Variants in TSPAN18 observed in about 807,000 individuals in gnomAD.
TSPAN18 encodes the protein tetraspanin 18.
Under a neutral mutation model 27.3 loss-of-function variants are expected in TSPAN18, and 14 were observed. The observed-to-expected ratio is 0.51, with a 90% CI of 0.34 to 0.80. The LOEUF is 0.80. TSPAN18 is among the 30% of genes least tolerant of loss of function. The pLI is 0.01. For synonymous variants in TSPAN18, 143 were observed against 136.5 expected (o/e 1.05, Z -0.33); for missense variants, 268 against 323.9 (o/e 0.83, Z 1.32).
chr11:44,894,434 G>A (rs1454693947), intron 3 of TSPAN18, among the ~76,000 whole-genome samples: 2 of 152,210 alleles, frequency 1.3e-5, no homozygotes, highest in Non-Finnish European at 2.9e-5. Context: ...TTGTCCGGCC[G>A]CCTCCTTTCC....
At chr11:44,814,097 A>G (rs190999301) in intron 2 of TSPAN18, among the ~76,000 whole-genome samples, 4 of 152,288 alleles carry the variant, frequency 2.6e-5, no homozygotes, top group African/African-American at 7.2e-5. Flanking sequence ...TTGGTGGAAA[A>G]TGCCTCATTG....
intron 1 of TSPAN18, among the ~76,000 whole-genome samples, chr11:44,762,637 TTG>T (rs954762748): frequency 6.7e-6 from 1 of 149,158 alleles, no homozygotes; most frequent in Non-Finnish European, 1.5e-5. Flanking sequence ...GTGTGTGTGT[TTG>T]TGTGTGTGTG....
intron 2 of TSPAN18, among the ~76,000 whole-genome samples, chr11:44,782,940 T>G (rs1183493338): frequency 6.6e-6 from 1 of 152,146 alleles, no homozygotes; most frequent in Non-Finnish European, 1.5e-5. Flanking sequence ...GCAATTCTTG[T>G]GCCTCAGCCT....
intron 2 of TSPAN18, among the ~76,000 whole-genome samples, chr11:44,841,355 T>G (rs1482404249): frequency 2.0e-5 from 3 of 151,994 alleles, no homozygotes; most frequent in African/African-American, 7.2e-5. Flanking sequence ...CCATCTCTAT[T>G]AAAAATACAA....
chr11:44,846,323 T>TA (rs1406136384), intron 2 of TSPAN18, among the ~76,000 whole-genome samples: 1 of 152,252 alleles, frequency 6.6e-6, no homozygotes, highest in Non-Finnish European at 1.5e-5. Context: ...CGCCTCAACA[T>TA]ACACCTCTGA....
intron 3 of TSPAN18, among the ~76,000 whole-genome samples, chr11:44,903,155 T>C (rs1259117290): frequency 6.6e-6 from 1 of 151,612 alleles, no homozygotes; most frequent in African/African-American, 2.4e-5. Context: ...AGCCGTGGGA[T>C]ATTATACTAG....
Position 44,931,933 on chromosome 11 carries a change from C to CG in TSPAN18, c.*2756dup, listed in dbSNP as rs1220018340. On this transcript the variant is annotated 3_prime_UTR_variant, in exon 10 of 10. Transcript: ENST00000520358. ...AGGGCAAGGAACAAGAAGACTACAC[C>CG]GCTCATCACAAACCCTGCCTGTATC... The CG allele has an allele frequency of 1.3e-5, 2 of 152,270 alleles. No homozygotes were observed. Among genetic ancestry groups the CG allele is most frequent in the African/African-American group, 4.8e-5 (2 of 41,442 alleles). The allele number at this position is 152,270 out of a possible 1,614,324, so 9.4% of individuals were successfully genotyped here. A position where few individuals can be genotyped will look rare whatever the true frequency, so the allele number is the denominator to read the frequency against.
intron 1 of TSPAN18, among the ~76,000 whole-genome samples, chr11:44,753,595 C>A (rs922153959): frequency 6.6e-5 from 10 of 152,186 alleles, no homozygotes; most frequent in Non-Finnish European, 1.5e-4. Flanking sequence ...TCTCTTTCTC[C>A]ATTCGAACTG....
chr11:44,913,753 A>G (rs764758942), intron 5 of TSPAN18, among the ~76,000 whole-genome samples: 6 of 152,224 alleles, frequency 3.9e-5, no homozygotes, highest in Non-Finnish European at 7.3e-5. Context: ...CCCTTTGCTA[A>G]TTTTTCCATC....
At chr11:44,862,008 CT>C (rs1204933523) in intron 3 of TSPAN18, among the ~76,000 whole-genome samples, 3 of 152,114 alleles carry the variant, frequency 2.0e-5, no homozygotes, top group Non-Finnish European at 4.4e-5. Context: ...AGGCCTGTTC[CT>C]TTTTCCCCCC....
At chr11:44,908,827 G>GAAAGAAAGAAAGAA (rs1178087638) in intron 4 of TSPAN18, among the ~76,000 whole-genome samples, 1 of 112,092 alleles carries the variant, frequency 8.9e-6, no homozygotes, top group African/African-American at 3.8e-5. Flanking sequence ...AAGAAAGAAA[G>GAAAGAAAGAAAGAA]AAAAAGAAAA....
chr11:44,861,283 G>A (rs924666982), intron 3 of TSPAN18, among the ~76,000 whole-genome samples: 1 of 151,792 alleles, frequency 6.6e-6, no homozygotes, highest in Non-Finnish European at 1.5e-5. Flanking sequence ...AGGCTTATTG[G>A]ATGGTCTTGG....
At chr11:44,880,031 G>C (rs917363353) in intron 3 of TSPAN18, among the ~76,000 whole-genome samples, 6 of 152,348 alleles carry the variant, frequency 3.9e-5, no homozygotes, top group African/African-American at 1.4e-4. Flanking sequence ...GGCGACGCTG[G>C]GGGGAGGCTG....
At chr11:44,726,552 A>G (rs10734524), upstream of TSPAN18, 141,606 of 152,070 alleles carry the variant, frequency 0.93, 65,999 homozygotes, top group South Asian at 0.97. Context: ...GAGCCCGATC[A>G]GGACCGAGGA....
chr11:44,877,887 C>T (rs187111125), intron 3 of TSPAN18, among the ~76,000 whole-genome samples: 1 of 152,110 alleles, frequency 6.6e-6, no homozygotes. Flanking sequence ...TGGCTCTCTT[C>T]TCTCCCTCTC....
At chr11:44,798,053 G>A (rs1035952872) in intron 2 of TSPAN18, among the ~76,000 whole-genome samples, 1 of 152,118 alleles carries the variant, frequency 6.6e-6, no homozygotes, top group South Asian at 2.1e-4. Context: ...TGTTGCTGAG[G>A]TTATTAACAT....
At position 44,727,000 on chromosome 11, in the gene TSPAN18, G is replaced by C. The variant is rs1020446815; in HGVS notation, c.-527G>C. 5.3e-3 allele frequency: 782 copies of C among 147,752 alleles called. 8 individuals carry two copies. Among genetic ancestry groups the C allele is most frequent in the African/African-American group, 0.018 (738 of 40,832 alleles). The allele number at this position is 147,752 out of a possible 1,614,324, so 9.2% of individuals were successfully genotyped here. On this transcript the variant is annotated 5_prime_UTR_variant, in exon 1 of 10. Transcript: ENST00000520358. ...GTCGCGGGGCTCCAGGCTGCGGGGC[G>C]GACGTAGCGCCGAGCGATCCACCGC...
chr11:44,787,044 G>T (rs1012970571), intron 2 of TSPAN18, among the ~76,000 whole-genome samples: 1 of 152,186 alleles, frequency 6.6e-6, no homozygotes, highest in Non-Finnish European at 1.5e-5. Flanking sequence ...AATTAGGAAG[G>T]CATACATATG....
intron 1 of TSPAN18, among the ~76,000 whole-genome samples, chr11:44,729,028 G>A (rs1043980182): frequency 2.0e-5 from 3 of 152,206 alleles, no homozygotes; most frequent in Admixed American, 2.0e-4. Flanking sequence ...CAAAGGTGGG[G>A]GAAATGGGGG....
Sources: gnomAD v4.1 joint callset for allele counts (sites outside exome capture counted in the v4.1 genomes callset) on GRCh38, gnomAD v4.1.1 for gene constraint, MANE v1.5 for transcripts, NCBI Gene and HGNC (gene_info 2026-07-23, HGNC 2026-07-21) for gene names.